NEIL2: variants seen among roughly 807,000 people sequenced by gnomAD.
NEIL2 encodes the protein nei like DNA glycosylase 2.
A neutral mutation model predicts 22.2 loss-of-function variants in NEIL2; 23 were observed. The observed-to-expected ratio is 1.04, with a 90% CI of 0.75 to 1.47. The LOEUF (loss-of-function observed/expected upper bound fraction) is 1.47. Among genes scored for constraint, NEIL2 ranks in the 40% most tolerant of loss-of-function variants. The pLI, the probability that NEIL2 is intolerant of heterozygous loss-of-function variation, is 0.00. For missense variants in NEIL2, 583 were observed against 404.7 expected (o/e 1.44, Z -3.78); for synonymous variants, 229 against 164.8 (o/e 1.39, Z -2.99).
At position 11,786,261 on chromosome 8, in the gene NEIL2, C is replaced by T. The variant is rs1804939713; in HGVS notation, c.987C>T (p.Cys329=). Residue 329 remains cysteine (C), a synonymous_variant, in exon 5 of 5, where the codon TGC becomes TGT. Transcript: ENST00000284503. ...QPQLSEEPEQ[C]QFS ...AGTTGTCAGAGGAGCCAGAGCAGTG[C>T]CAGTTCTCCTAAGGAGCTGGTGGTG... 3 of 1,612,030 alleles carry T rather than the reference C, an allele frequency of 1.9e-6. No homozygotes were observed. Among genetic ancestry groups the T allele is most frequent in the South Asian group, 1.1e-5 (1 of 90,938 alleles).
intron 4 of NEIL2, 30 bp from the exon 5 acceptor site, chr8:11,785,933 C>T (rs1804887983): frequency 1.2e-6 from 2 of 1,605,524 alleles, no homozygotes; most frequent in Non-Finnish European, 8.5e-7. Context: ...GTCCTTTGTC[C>T]TTCCCTTACC....
intron 2 of NEIL2, 110 bp from the exon 3 acceptor site, chr8:11,779,488 G>T (rs1008187805): frequency 2.2e-6 from 2 of 900,170 alleles, no homozygotes; most frequent in African/African-American, 1.6e-5. Context: ...ATTTGGGAAG[G>T]CCCCCCAGGA....
At chr8:11,784,864 G>T (rs753127909) in intron 4 of NEIL2, among the ~76,000 whole-genome samples, 8 of 152,130 alleles carry the variant, frequency 5.3e-5, no homozygotes, top group Non-Finnish European at 1.5e-5. Context: ...ATTATGCTTG[G>T]TATTTCATTT....
At chr8:11,779,285 A>G (rs1271861033) in intron 2 of NEIL2, among the ~76,000 whole-genome samples, 2 of 152,304 alleles carry the variant, frequency 1.3e-5, no homozygotes, top group East Asian at 3.9e-4. Flanking sequence ...ATGACAACTT[A>G]TGTTCATTTC....
intron 4 of NEIL2, among the ~76,000 whole-genome samples, chr8:11,785,612 T>C (rs1383939419): frequency 2.6e-5 from 4 of 152,218 alleles, no homozygotes; most frequent in Non-Finnish European, 4.4e-5. Flanking sequence ...ATCCCTGCCT[T>C]ACAGATAAGG....
intron 2 of NEIL2, among the ~76,000 whole-genome samples, chr8:11,774,890 T>G (rs1356181266): frequency 4.6e-5 from 7 of 152,208 alleles, no homozygotes; most frequent in African/African-American, 1.4e-4. Flanking sequence ...ATGCAAGAGG[T>G]AGACTCCCAC....
chr8:11,772,943 G>C (rs967866388), intron 2 of NEIL2, among the ~76,000 whole-genome samples: 13 of 151,660 alleles, frequency 8.6e-5, no homozygotes, highest in Admixed American at 2.0e-4. Flanking sequence ...CACACACACA[G>C]AGGTTTTAAA....
At position 11,779,225 on chromosome 8, in the gene NEIL2, C is replaced by T. The variant is rs8191603; in HGVS notation, c.139-373C>T. Among the ~76,000 whole-genome samples, 615 of 152,264 alleles carry T rather than the reference C, an allele frequency of 4.0e-3. 8 individuals are homozygous for T. Among genetic ancestry groups the T allele is most frequent in the South Asian group, 0.022 (106 of 4,820 alleles). ...GCTGCTCTGTATGTGTGCATTCCCA[C>T]GCACCGCTTATTTCTGGCATAGAAA... is the stretch of plus-strand genomic sequence containing the variant. On this transcript the variant is annotated intron_variant, in intron 2 of 4. Transcript: ENST00000284503.
intron 3 of NEIL2, among the ~76,000 whole-genome samples, chr8:11,781,427 A>G (rs1409555809): frequency 6.6e-6 from 1 of 152,208 alleles, no homozygotes; most frequent in African/African-American, 2.4e-5. Flanking sequence ...ACACCAAAAA[A>G]TCCAGAAGAA....
Position 11,785,976 on chromosome 8 carries a change from G to A in NEIL2, c.702G>A (p.Lys234=), listed in dbSNP as rs1188621998. ...GCTTTATTTCAGGGAACATCATTAAGAATGAAGCCTTGTACAGAGCTGGGA... is the reference window on the plus strand; with the variant it reads ...GCTTTATTTCAGGGAACATCATTAAAAATGAAGCCTTGTACAGAGCTGGGA... ...RYFSGLGNII[K]NEALYRAGIH... is the part of the protein sequence containing the mutation. The change falls in exon 5 of 5, where the codon AAG becomes AAA. Residue 234 remains lysine, a synonymous_variant. Coordinates refer to ENST00000284503, the MANE Select transcript of NEIL2 (RefSeq NM_145043.4). The A allele has an allele frequency of 6.2e-7, 1 of 1,614,016 alleles. No individual in the cohort carries two copies. Among genetic ancestry groups the A allele is most frequent in the East Asian group, 2.2e-5 (1 of 44,884 alleles).
rs138060061 is a variant in NEIL2 at position 11,779,793 on chromosome 8, G to A, written c.334G>A (p.Glu112Lys). Reference protein sequence around the residue: ...SRSAELVPQGEDDSEYLERDA... With the variant: ...SRSAELVPQGKDDSEYLERDA... ...GTCTGCAGAGCTCGTCCCCCAGGGC[G>A]AGGATGATTCTGAGTATTTGGAGAG... Residue 112 changes from glutamate to lysine, a missense_variant, in exon 3 of 5, where the codon GAG becomes AAG. By Grantham distance (56) the Glu-to-Lys change is moderately conservative. Coordinates refer to ENST00000284503, the MANE Select transcript of NEIL2 (RefSeq NM_145043.4). 4.6e-5 allele frequency: 74 copies of A among 1,614,002 alleles called. No individual in the cohort carries two copies. In the Middle Eastern group the frequency reaches 4.9e-4, roughly 11 times the overall value.
rs1008984516 is a variant in NEIL2 at position 11,786,543 on chromosome 8, A to T, written c.*270A>T. ...AAATCGTGATGATGGGTAAGGGGAA[A>T]ACTTCCCGGAAGGCAATGGGGCAAG... On this transcript the variant is annotated 3_prime_UTR_variant, in exon 5 of 5. Transcript: ENST00000284503. 12 of 525,006 alleles carry T rather than the reference A, an allele frequency of 2.3e-5. No individual in the cohort carries two copies. Among genetic ancestry groups the T allele is most frequent in the African/African-American group, 1.9e-4 (10 of 52,408 alleles). The allele number at this position is 525,006 out of a possible 1,614,324, so 32.5% of individuals were successfully genotyped here. A position where few individuals can be genotyped will look rare whatever the true frequency, so the allele number is the denominator to read the frequency against.
In NEIL2 at chr8:11,771,632, G is replaced by A. The variant is rs201995272; in HGVS notation, c.138+47G>A. On this transcript the variant is annotated intron_variant, in intron 2 of 4. Transcript: ENST00000284503. ...GGGTTGGCTCTGTCGCCCATCCTGC[G>A]CCTCCCCTAGGATCTATCCCCATAT... 955 of 1,582,842 alleles carry A rather than the reference G, an allele frequency of 6.0e-4. 7 individuals carry two copies. The African/African-American group carries it at 0.011, about 19-fold the overall frequency.
Position 11,769,735 on chromosome 8 carries a change from C to T in NEIL2, c.-603C>T, listed in dbSNP as rs1057362644. 2 of 152,390 alleles carry T rather than the reference C, an allele frequency of 1.3e-5. No individual in the cohort carries two copies. The highest frequency in any genetic ancestry group is 2.4e-5 in the African/African-American group (1 of 41,468). 9.4% of individuals were successfully genotyped at this position (152,390 alleles called of 1,614,324 possible). ...AAATCTCCGCCCCCAGCTGGAGCGG[C>T]TGTGCGGGCTGCGTAGCGGTGCTGG... On this transcript the variant is annotated 5_prime_UTR_variant, in exon 1 of 5. Transcript: ENST00000284503.
chr8:11,778,648 T>G (rs1384215877), intron 2 of NEIL2, among the ~76,000 whole-genome samples: 3 of 151,920 alleles, frequency 2.0e-5, no homozygotes, highest in Non-Finnish European at 4.4e-5. Flanking sequence ...AGGTGCAATA[T>G]GAAAATAAAG....
intron 4 of NEIL2, 100 bp downstream of exon 4, chr8:11,783,499 T>G: frequency 9.9e-7 from 1 of 1,009,458 alleles, no homozygotes. Flanking sequence ...GTTGTGCCAG[T>G]GCTGTTGGTT....
Position 11,778,723 on chromosome 8 carries a change from G to A in NEIL2, c.139-875G>A, listed in dbSNP as rs1169525646. ...TCCCAACACTTTGGGAGGCCAAGAC[G>A]GGCAGATCGCTTGAGGTCAGGAGTT... On this transcript the variant is annotated intron_variant, in intron 2 of 4. Coordinates refer to ENST00000284503, the MANE Select transcript of NEIL2 (RefSeq NM_145043.4). 2.6e-5 allele frequency among the ~76,000 whole-genome samples: 4 copies of A among 151,940 alleles called. No homozygotes were observed. The South Asian group carries it at 8.3e-4, about 32-fold the overall frequency.
rs772935464 is a variant in NEIL2, at chr8:11,779,648, G to GCCC, written c.192_194dup (p.Pro65dup). 5.0e-5 allele frequency: 80 copies of GCCC among 1,613,564 alleles called. No individual in the cohort carries two copies. In the Admixed American group the frequency reaches 1.3e-3, roughly 26 times the overall value. The stretch of plus-strand genomic sequence containing the variant: ...GATTTGATCTAGATGAAGAAATGGG[G>GCCC]CCCCCTGGCAGCAGCCCAACACCAG... On this transcript the variant is annotated inframe_insertion, in exon 3 of 5. Coordinates refer to ENST00000284503, the MANE Select transcript of NEIL2 (RefSeq NM_145043.4).
chr8:11,771,631 C>T (rs775936451), intron 2 of NEIL2, 46 bp downstream of exon 2: 45 of 1,584,218 alleles, frequency 2.8e-5, no homozygotes, highest in East Asian at 4.5e-5. Context: ...GCCCATCCTG[C>T]GCCTCCCCTA....
Sources: allele counts gnomAD v4.1 joint callset (sites outside exome capture counted in the v4.1 genomes callset), GRCh38; gene constraint gnomAD v4.1.1; transcripts MANE v1.5; gene names NCBI Gene and HGNC (gene_info 2026-07-23, HGNC 2026-07-21).